The following MACROD2 variants were observed in gnomAD, a reference collection of about 807,000 sequenced individuals.
The protein encoded by MACROD2 is ADP-ribose glycohydrolase MACROD2.
A neutral mutation model predicts 70.4 loss-of-function variants in MACROD2; 36 were observed. That is an observed-to-expected ratio of 0.51 (90% CI 0.39 to 0.68). The LOEUF is 0.68. Ranked by LOEUF, MACROD2 falls within the 30% of genes least tolerant of loss-of-function variation. The pLI is 0.00. For synonymous variants in MACROD2, 172 were observed against 178.8 expected (o/e 0.96, Z 0.30); for missense variants, 496 against 538.4 (o/e 0.92, Z 0.78).
At chr20:14,008,311 AT>A (rs1482640480) in intron 2 of MACROD2, among the ~76,000 whole-genome samples, 1 of 152,222 alleles carries the variant, frequency 6.6e-6, no homozygotes, top group African/African-American at 2.4e-5. Flanking sequence ...AATCTCTAGC[AT>A]TGCTATACAC....
intron 3 of MACROD2, among the ~76,000 whole-genome samples, chr20:14,252,329 A>C (rs2082020027): frequency 6.6e-6 from 1 of 151,996 alleles, no homozygotes; most frequent in Non-Finnish European, 1.5e-5. Context: ...TATCCTGACT[A>C]TATGGGATCA....
chr20:14,384,825 A>G (rs888193694), intron 3 of MACROD2, among the ~76,000 whole-genome samples: 3 of 152,156 alleles, frequency 2.0e-5, no homozygotes, highest in South Asian at 2.1e-4. Context: ...TTCCAGTTTC[A>G]GAGTTTCCAT....
At chr20:15,436,961 C>T (rs767418975) in intron 7 of MACROD2, among the ~76,000 whole-genome samples, 2 of 152,120 alleles carry the variant, frequency 1.3e-5, no homozygotes, top group Non-Finnish European at 2.9e-5. Flanking sequence ...TCCCATCTGC[C>T]CAGGAGCCTT....
At chr20:15,664,590 C>T (rs1023805195) in intron 8 of MACROD2, among the ~76,000 whole-genome samples, 4 of 152,182 alleles carry the variant, frequency 2.6e-5, no homozygotes, top group South Asian at 2.1e-4. Flanking sequence ...ATAGCTCCAC[C>T]TCAAAACGTG....
At chr20:14,808,439 A>G (rs183852094) in intron 5 of MACROD2, among the ~76,000 whole-genome samples, 103 of 152,214 alleles carry the variant, frequency 6.8e-4, no homozygotes, top group African/African-American at 1.5e-3. Context: ...AGGAAGCACT[A>G]AATATGGAAA....
intron 3 of MACROD2, among the ~76,000 whole-genome samples, chr20:14,448,036 G>A (rs546981441): frequency 2.0e-4 from 30 of 151,538 alleles, no homozygotes; most frequent in African/African-American, 6.3e-4. Flanking sequence ...ATCTGAGAGA[G>A]AGAGAGATGT....
intron 8 of MACROD2, among the ~76,000 whole-genome samples, chr20:15,692,591 C>T (rs560774426): frequency 1.3e-5 from 2 of 152,040 alleles, no homozygotes; most frequent in Non-Finnish European, 2.9e-5. Context: ...ATCTTCAGAG[C>T]CCTGGAAGCG....
At chr20:15,307,496 C>T (rs2077709720) in intron 6 of MACROD2, among the ~76,000 whole-genome samples, 2 of 152,170 alleles carry the variant, frequency 1.3e-5, no homozygotes, top group Admixed American at 1.3e-4. Context: ...TCTCCTTACA[C>T]ACACACGTAT....
chr20:14,974,586 A>G (rs2423886), intron 5 of MACROD2, among the ~76,000 whole-genome samples: 2,201 of 152,246 alleles, frequency 0.014, 37 homozygotes, highest in Admixed American at 0.037. Flanking sequence ...AGGGAAATAA[A>G]TAATTACCTG....
intron 8 of MACROD2, among the ~76,000 whole-genome samples, chr20:15,792,237 G>A (rs531589487): frequency 2.0e-4 from 31 of 152,148 alleles, no homozygotes; most frequent in Middle Eastern, 3.4e-3. Flanking sequence ...GTAAATTACA[G>A]AAAGTAAAAA....
In MACROD2 at chr20:15,566,350, T is replaced by C. The variant is rs1436983079; in HGVS notation, c.645+66503T>C. ...TCTACTAAAAAACAAAAATAAAAAT[T>C]AGCCGGGTGTGGTGATGTGCGCCTG... On this transcript the variant is annotated intron_variant, in intron 8 of 17. Coordinates refer to ENST00000684519, the MANE Select transcript of MACROD2 (RefSeq NM_001351661.2). Among the ~76,000 whole-genome samples, 3 of 151,856 alleles carry C rather than the reference T, an allele frequency of 2.0e-5. No individual in the cohort carries two copies. In the East Asian group the frequency reaches 5.8e-4, roughly 30 times the overall value.
chr20:15,764,397 T>C (rs1033557931), intron 8 of MACROD2, among the ~76,000 whole-genome samples: 3 of 152,214 alleles, frequency 2.0e-5, no homozygotes, highest in African/African-American at 7.2e-5. Flanking sequence ...TCTACAGGGA[T>C]GTCTAATAGG....
At chr20:15,915,479 A>C (rs2065300945) in intron 10 of MACROD2, among the ~76,000 whole-genome samples, 2 of 152,358 alleles carry the variant, frequency 1.3e-5, no homozygotes, top group African/African-American at 4.8e-5. Flanking sequence ...AAGCATAGGA[A>C]GTTCTCAATA....
intron 10 of MACROD2, among the ~76,000 whole-genome samples, chr20:15,889,202 A>G (rs2064858515): frequency 6.6e-6 from 1 of 152,156 alleles, no homozygotes; most frequent in African/African-American, 2.4e-5. Flanking sequence ...AAGCTTCCAA[A>G]GCATGAGGTC....
chr20:14,551,160 T>C (rs1490203026), intron 4 of MACROD2, among the ~76,000 whole-genome samples: 1 of 152,202 alleles, frequency 6.6e-6, no homozygotes, highest in Admixed American at 6.5e-5. Flanking sequence ...AATTTTATCA[T>C]GTAGATTGTT....
At chr20:15,360,934 A>T (rs1033428248) in intron 6 of MACROD2, among the ~76,000 whole-genome samples, 1 of 150,358 alleles carries the variant, frequency 6.7e-6, no homozygotes, top group Non-Finnish European at 1.5e-5. Context: ...GAGTTTCAAG[A>T]GTTCTTTTTG....
At chr20:14,409,210 C>T (rs1699159198) in intron 3 of MACROD2, among the ~76,000 whole-genome samples, 1 of 145,156 alleles carries the variant, frequency 6.9e-6, no homozygotes, top group Non-Finnish European at 1.5e-5. Context: ...GATAGGTCCT[C>T]AGTAAATGTT....
chr20:15,135,530 A>G (rs1236611520), intron 5 of MACROD2, among the ~76,000 whole-genome samples: 5 of 138,902 alleles, frequency 3.6e-5, no homozygotes, highest in Admixed American at 2.9e-4. Flanking sequence ...CATGCTAAAA[A>G]CTCTCAATAA....
At position 13,995,705 on chromosome 20, in the gene MACROD2, C is replaced by T. The variant is rs2052627321; in HGVS notation, c.-59C>T. Reference sequence around the variant, plus strand: ...CCCACCCCTCCCACTCCACACACACCCTGTTTGCCCGTGAGCCTGGGGAAC... The same window carrying T: ...CCCACCCCTCCCACTCCACACACACTCTGTTTGCCCGTGAGCCTGGGGAAC... On this transcript the variant is annotated 5_prime_UTR_variant, in exon 1 of 18. Transcript: ENST00000684519. The surrounding 1 kb of genome is among the most constrained non-coding windows in gnomAD (Gnocchi z 4.3). The T allele has an allele frequency of 6.4e-7, 1 of 1,553,690 alleles. No homozygotes were observed. The highest frequency in any genetic ancestry group is 8.9e-7 in the Non-Finnish European group (1 of 1,126,958).
Sources: gnomAD v4.1 joint callset for allele counts (sites outside exome capture counted in the v4.1 genomes callset) on GRCh38, gnomAD v4.1.1 for gene constraint, Gnocchi (gnomAD v3.1) non-coding constraint, MANE v1.5 for transcripts, NCBI Gene and HGNC (gene_info 2026-07-23, HGNC 2026-07-21) for gene names.